Variants in C6orf62 observed in about 807,000 individuals in gnomAD.
C6orf62 encodes the protein chromosome 6 open reading frame 62.
A neutral mutation model predicts 26.8 loss-of-function variants in C6orf62; 16 were observed. The ratio of observed to expected loss-of-function variants is 0.60; its 90% confidence interval spans 0.40 to 0.91. The LOEUF (loss-of-function observed/expected upper bound fraction) is 0.91. Among genes scored for constraint, C6orf62 ranks in the 40% least tolerant of loss-of-function variants. C6orf62 has a pLI of 0.00. For synonymous variants in C6orf62, 112 were observed against 91.5 expected (o/e 1.22, Z -1.28); for missense variants, 192 against 271.4 (o/e 0.71, Z 2.06).
At chr6:24,710,450 G>C (rs1779098426) in intron 3 of C6orf62, 1 of 406,872 alleles carries the variant, frequency 2.5e-6, no homozygotes, top group South Asian at 1.0e-4. Context: ...TTTTAGTAGA[G>C]ATAGGACTTC....
At chr6:24,720,175 G>A (rs973907922), upstream of C6orf62, 5 of 1,358,062 alleles carry the variant, frequency 3.7e-6, no homozygotes, top group Admixed American at 1.4e-4. Context: ...TGGGTGACGG[G>A]GAAATCCCCT....
At chr6:24,714,965 T>C (rs556527883) in intron 2 of C6orf62, among the ~76,000 whole-genome samples, 2 of 152,286 alleles carry the variant, frequency 1.3e-5, no homozygotes, top group African/African-American at 4.8e-5. Flanking sequence ...CTCAGTCCAA[T>C]GCTCCTAACA....
chr6:24,719,966 T>C, upstream of C6orf62: 1 of 1,547,164 alleles, frequency 6.5e-7, no homozygotes, highest in Non-Finnish European at 8.7e-7. Context: ...GAAGGTTCAG[T>C]GGGGGAAAAA....
chr6:24,706,286 A>AT, intron 4 of C6orf62, 24 bp from the exon 5 acceptor site: 2 of 1,612,852 alleles, frequency 1.2e-6, no homozygotes, highest in Non-Finnish European at 1.7e-6. Context: ...ACATTTTAAT[A>AT]TTTTTTAAAA....
upstream of C6orf62, chr6:24,719,173 A>C (rs1158794505): frequency 2.8e-5 from 28 of 985,498 alleles, no homozygotes; most frequent in South Asian, 9.2e-5. Flanking sequence ...AAAAAAAAAA[A>C]AACTCACCAA....
At chr6:24,713,789 C>T (rs2127634741) in intron 3 of C6orf62, among the ~76,000 whole-genome samples, 1 of 152,286 alleles carries the variant, frequency 6.6e-6, no homozygotes, top group Middle Eastern at 3.4e-3. Context: ...ATGCCCTTAA[C>T]ACTAGAGGGG....
At chr6:24,709,010 G>A in intron 3 of C6orf62, 99 bp from the exon 4 acceptor site, 1 of 1,524,864 alleles carries the variant, frequency 6.6e-7, no homozygotes, top group East Asian at 2.3e-5. Flanking sequence ...GCAGCCAACA[G>A]TCCGTTATCT....
upstream of C6orf62, chr6:24,719,599 C>T (rs1779311247): frequency 7.1e-6 from 10 of 1,399,352 alleles, no homozygotes; most frequent in East Asian, 2.8e-5. Flanking sequence ...TTAATTATTC[C>T]GGCTCTGTGG....
At chr6:24,720,346 C>A (rs1053462290), upstream of C6orf62, 8 of 1,248,888 alleles carry the variant, frequency 6.4e-6, no homozygotes, top group African/African-American at 9.4e-5. Flanking sequence ...GAGAAAACCA[C>A]CAGCCAACTG....
chr6:24,717,965 G>T (rs1779267590), intron 1 of C6orf62, among the ~76,000 whole-genome samples: 1 of 152,052 alleles, frequency 6.6e-6, no homozygotes, highest in Non-Finnish European at 1.5e-5. Context: ...AGGTCATTTT[G>T]AGTTTTTAAA....
At chr6:24,714,518 C>G in intron 2 of C6orf62, 78 bp from the exon 3 acceptor site, 1 of 1,082,102 alleles carries the variant, frequency 9.2e-7, no homozygotes. Flanking sequence ...TTATAGGGTT[C>G]CCCTATAAAA....
intron 3 of C6orf62, chr6:24,709,366 ATC>A (rs1298679458): frequency 3.0e-6 from 3 of 985,256 alleles, no homozygotes; most frequent in Non-Finnish European, 3.6e-6. Context: ...CCCCAAGGAC[ATC>A]TCTTTTCTTT....
At position 24,714,412 on chromosome 6, in the gene C6orf62, T is replaced by C. The variant is rs775483537; in HGVS notation, c.335A>G (p.Asp112Gly). The C allele has an allele frequency of 6.2e-7, 1 of 1,608,562 alleles. No homozygotes were observed. The highest frequency in any genetic ancestry group is 8.5e-7 in the Non-Finnish European group (1 of 1,177,038). ...RDVIGCTQEM[D>G]FILWPRNDIE... ...ATCATTCCGAGGCCAAAGAATGAAATCCATCTCCTGAGTACAGCCAATTAC... is the reference window on the plus strand; with the variant it reads ...ATCATTCCGAGGCCAAAGAATGAAACCCATCTCCTGAGTACAGCCAATTAC... The change falls in exon 3 of 5, where the codon GAT becomes GGT. Residue 112 changes from aspartate to glycine, a missense_variant. Coordinates refer to ENST00000378119, the MANE Select transcript of C6orf62 (RefSeq NM_030939.5).
upstream of C6orf62, chr6:24,720,012 A>AGGGGGGGGCC: frequency 6.8e-7 from 1 of 1,463,290 alleles, no homozygotes; most frequent in South Asian, 1.3e-5. Context: ...TTCTAAAGTA[A>AGGGGGGGGCC]GCCCACCCAC....
chr6:24,709,822 A>T, intron 3 of C6orf62: 1 of 985,466 alleles, frequency 1.0e-6, no homozygotes, highest in Non-Finnish European at 1.2e-6. Context: ...AGAATTCAAG[A>T]AACCTAGATT....
At chr6:24,712,478 G>A (rs182110436) in intron 3 of C6orf62, among the ~76,000 whole-genome samples, 29 of 152,040 alleles carry the variant, frequency 1.9e-4, no homozygotes, top group Admixed American at 2.6e-4. Flanking sequence ...AGACCATCCC[G>A]GCCAACATGG....
At position 24,708,732 on chromosome 6, in the gene C6orf62, A is replaced by C. The variant is rs1054231619; in HGVS notation, c.564+45T>G. On this transcript the variant is annotated intron_variant, in intron 4 of 4. Transcript: ENST00000378119. The stretch of plus-strand genomic sequence containing the variant: ...TATATAAAACGTTTACTAACCAATA[A>C]GTTTTTGAATGAGCCTGTAAGTGGT... 2.5e-6 allele frequency: 4 copies of C among 1,611,722 alleles called. No individual in the cohort carries two copies. The African/African-American group carries it at 4.0e-5, about 16-fold the overall frequency.
chr6:24,708,761 CA>C lies in C6orf62; in HGVS notation c.564+15del. Reference sequence around the variant, plus strand: ...TTTGAATGAGCCTGTAAGTGGTTTTCAAAAAAGCTGCTTACCTGCAAGTGCT... The same window carrying C: ...TTTGAATGAGCCTGTAAGTGGTTTTCAAAAAGCTGCTTACCTGCAAGTGCT... On this transcript the variant is annotated intron_variant, in intron 4 of 4. Coordinates refer to ENST00000378119, the MANE Select transcript of C6orf62 (RefSeq NM_030939.5). 5 of 1,614,012 alleles carry C rather than the reference CA, an allele frequency of 3.1e-6. No homozygotes were observed. Among genetic ancestry groups the C allele is most frequent in the Non-Finnish European group, 4.2e-6 (5 of 1,180,006 alleles).
chr6:24,710,376 C>T (rs1161653759), intron 3 of C6orf62: 1 of 449,282 alleles, frequency 2.2e-6, no homozygotes, highest in African/African-American at 2.2e-5. Flanking sequence ...AGCGATTCTT[C>T]TGCCTCAGCC....
Sources: gnomAD v4.1 joint callset for allele counts (sites outside exome capture counted in the v4.1 genomes callset) on GRCh38, gnomAD v4.1.1 for gene constraint, MANE v1.5 for transcripts, NCBI Gene and HGNC (gene_info 2026-07-23, HGNC 2026-07-21) for gene names.